ABCA9: variants seen among roughly 807,000 people sequenced by gnomAD.
ABCA9 encodes the protein ATP binding cassette subfamily A member 9.
A neutral mutation model predicts 205.3 loss-of-function variants in ABCA9; 183 were observed. That is an observed-to-expected ratio of 0.89 (90% CI 0.79 to 1.01). The LOEUF is 1.01. Ranked by LOEUF, ABCA9 falls within the 50% of genes least tolerant of loss-of-function variation. ABCA9 has a pLI of 0.00. For missense variants in ABCA9, 1,805 were observed against 1,912.4 expected, an observed-to-expected ratio of 0.94 and a Z score of 1.05; for synonymous variants, 651 against 683.3, an observed-to-expected ratio of 0.95 and a Z score of 0.74.
the ABCA9 span, among the ~76,000 whole-genome samples, chr17:69,077,470 T>C: frequency 6.6e-6 from 1 of 152,228 alleles, no homozygotes; most frequent in Non-Finnish European, 1.5e-5. Context: ...ATGAGAAGAA[T>C]GTATATTCTG....
Position 69,045,187 on chromosome 17 carries a change from G to A in ABCA9, c.454C>T (p.His152Tyr), listed in dbSNP as rs1206389759. 6.2e-7 allele frequency: 1 copy of A among 1,612,562 alleles called. No homozygotes were observed. The highest frequency in any genetic ancestry group is 1.7e-5 in the Admixed American group (1 of 59,832). The change falls in exon 4 of 39, where the codon CAC becomes TAC. Residue 152 changes from histidine (H) to tyrosine (Y), a missense_variant. Transcript: ENST00000340001. The part of the protein sequence containing the change: ...WGHRIPMMKE[H>Y]RDHSAHCQAV... ...CAAAAGTTACCTGAATGGTCTCTGT[G>A]CTCTTTCATCATGGGGATTCTATGT... is the stretch of plus-strand genomic sequence containing the variant.
chr17:69,056,680 T>C (rs563449116), intron 1 of ABCA9, among the ~76,000 whole-genome samples: 1 of 152,316 alleles, frequency 6.6e-6, no homozygotes, highest in Admixed American at 6.5e-5. Flanking sequence ...TTGTTCTGTA[T>C]CTTTCAACTC....
chr17:69,018,659 T>C, intron 19 of ABCA9, 80 bp from the exon 20 acceptor site: 2 of 1,009,380 alleles, frequency 2.0e-6, no homozygotes. Context: ...ATAATGAATA[T>C]AATAACAGAA....
chr17:69,077,910 A>G, the ABCA9 span, among the ~76,000 whole-genome samples: 10 of 152,078 alleles, frequency 6.6e-5, 1 homozygote, highest in South Asian at 6.2e-4. Flanking sequence ...TATAAAAGAT[A>G]TGTGGAAAAT....
chr17:68,977,154 G>A (rs1259700976), intron 37 of ABCA9, among the ~76,000 whole-genome samples: 1 of 152,128 alleles, frequency 6.6e-6, no homozygotes, highest in Non-Finnish European at 1.5e-5. Flanking sequence ...AGATCACCTG[G>A]AAAGGGAAAG....
intron 2 of ABCA9, among the ~76,000 whole-genome samples, chr17:69,049,812 CAG>C (rs2071842213): frequency 6.6e-6 from 1 of 152,034 alleles, no homozygotes; most frequent in African/African-American, 2.4e-5. Context: ...ATTTTAGTGA[CAG>C]TGATAAATAA....
At chr17:68,976,288 A>G (rs2068891619) in intron 37 of ABCA9, 98 bp from the exon 38 acceptor site, 2 of 1,009,204 alleles carry the variant, frequency 2.0e-6, no homozygotes, top group Non-Finnish European at 3.0e-6. Flanking sequence ...TCTTAAACAT[A>G]AAAGATAAGG....
intron 6 of ABCA9, among the ~76,000 whole-genome samples, chr17:69,042,074 A>G (rs894410131): frequency 2.6e-5 from 4 of 152,148 alleles, no homozygotes; most frequent in Non-Finnish European, 5.9e-5. Flanking sequence ...CTGACTCCAG[A>G]ACTCAGGCTT....
At position 68,975,989 on chromosome 17, in the gene ABCA9, G is replaced by T. The variant is rs778340716; in HGVS notation, c.4801C>A (p.Gln1601Lys). ...TCCTCTTCAAGATCACCCAGCTCCTGCTCCTTGGAGAGCTCCAGGAAAACC... is the reference window on the plus strand; with the variant it reads ...TCCTCTTCAAGATCACCCAGCTCCTTCTCCTTGGAGAGCTCCAGGAAAACC... ...EQVFLELSKE[Q>K]ELGDLEEDFD... is the part of the protein sequence containing the mutation. The change falls in exon 39 of 39, where the codon CAG becomes AAG. Residue 1601 changes from glutamine (Q) to lysine (K), a missense_variant. Coordinates refer to ENST00000340001, the MANE Select transcript of ABCA9 (RefSeq NM_080283.4). 5 of 1,613,602 alleles carry T rather than the reference G, an allele frequency of 3.1e-6. No homozygotes were observed. Among genetic ancestry groups the T allele is most frequent in the Non-Finnish European group, 4.2e-6 (5 of 1,179,860 alleles).
chr17:69,032,034 C>G (rs2071166383), intron 10 of ABCA9, 74 bp downstream of exon 10: 1 of 1,435,968 alleles, frequency 7.0e-7, no homozygotes. Flanking sequence ...GATCTTTGCT[C>G]CTAGTGTGTC....
At chr17:69,076,555 C>T in the ABCA9 span, among the ~76,000 whole-genome samples, 2 of 152,068 alleles carry the variant, frequency 1.3e-5, no homozygotes, top group Non-Finnish European at 2.9e-5. Flanking sequence ...AGTCCCTCAT[C>T]TGTGAATTTT....
rs201536569 is a variant in ABCA9 at position 69,029,236 on chromosome 17, AAG to A, written c.1446-11_1446-10del. On this transcript the variant is annotated splice_polypyrimidine_tract_variant and intron_variant, in intron 10 of 38. Coordinates refer to ENST00000340001, the MANE Select transcript of ABCA9 (RefSeq NM_080283.4). ...TTTTAAGATTTTTGATTCTGAAAAA[AAG>A]AGGGAAATGTTTTCAGAGAATTGTA... 6.6e-3 allele frequency: 10,167 copies of A among 1,531,766 alleles called. 65 individuals are homozygous for A. Among genetic ancestry groups the A allele is most frequent in the Non-Finnish European group, 6.8e-3 (7,619 of 1,118,600 alleles). The allele number at this position is 1,531,766 out of a possible 1,614,324, so 94.9% of individuals were successfully genotyped here.
chr17:69,021,825 C>A lies in ABCA9; in HGVS notation c.2318G>T (p.Gly773Val). Residue 773 changes from glycine (G) to valine (V), a missense_variant, in exon 18 of 39, where the codon GGC becomes GTC. Coordinates refer to ENST00000340001, the MANE Select transcript of ABCA9 (RefSeq NM_080283.4). ...YRDLDRCSNQ[G>V]IEDYGVSITT... ...TATGGAAACACCATAATCCTCAATG[C>A]CTTGGTTAGAACATCTATCAAGATC... 1 of 1,589,472 alleles carries A rather than the reference C, an allele frequency of 6.3e-7. No individual in the cohort carries two copies. The highest frequency in any genetic ancestry group is 1.7e-4 in the Middle Eastern group (1 of 5,976).
Position 69,024,237 on chromosome 17 carries a change from A to G in ABCA9, c.2258T>C (p.Leu753Ser). The G allele has an allele frequency of 6.2e-7, 1 of 1,612,796 alleles. No homozygotes were observed. Among genetic ancestry groups the G allele is most frequent in the South Asian group, 1.1e-5 (1 of 90,964 alleles). Reference sequence around the variant, plus strand: ...ACCTGGAAATTTGTTTGTCCTTTCCAAAGGCAAAATATATACAAGTTTTTC... The same window carrying G: ...ACCTGGAAATTTGTTTGTCCTTTCCGAAGGCAAAATATATACAAGTTTTTC... ...SEEKLVYILP[L>S]ERTNKFPELY... The change falls in exon 17 of 39, where the codon TTG becomes TCG. Residue 753 changes from leucine (L) to serine (S), a missense_variant. By Grantham distance (145) the Leu-to-Ser change is moderately radical (BLOSUM62 -2). Transcript: ENST00000340001.
At position 68,978,794 on chromosome 17, in the gene ABCA9, A is replaced by G. The variant is rs554396247; in HGVS notation, c.4721-2604T>C. Among the ~76,000 whole-genome samples the G allele has an allele frequency of 4.6e-5, 7 of 152,308 alleles. No homozygotes were observed. The East Asian group carries it at 9.6e-4, about 21-fold the overall frequency. On this transcript the variant is annotated intron_variant, in intron 37 of 38. Transcript: ENST00000340001. ...TATTGATGGGACATATCTCAAAATA[A>G]TAAGAGCTATCTATGACAAACCCAC...
chr17:69,017,522 G>A, intron 21 of ABCA9, 134 bp downstream of exon 21: 1 of 947,846 alleles, frequency 1.1e-6, no homozygotes, highest in East Asian at 2.5e-5. Context: ...TTGTAGTCCA[G>A]CTTCTTCTAT....
chr17:69,033,917 C>T, intron 8 of ABCA9, 44 bp from the exon 9 acceptor site: 1 of 1,422,960 alleles, frequency 7.0e-7, no homozygotes, highest in African/African-American at 1.4e-5. Context: ...ATTAATATGG[C>T]ATTAAGAATT....
At position 69,008,145 on chromosome 17, in the gene ABCA9, A is replaced by G. The variant is rs142776133; in HGVS notation, c.3238T>C (p.Leu1080=). Residue 1080 remains leucine, a synonymous_variant, in exon 24 of 39, where the codon TTG becomes CTG. Transcript: ENST00000340001. Reference sequence around the variant, plus strand: ...ATTATTTGCATTAGCAGGAGGATCAAAAAGTACAGGGAAACATCCACCAGT... The same window carrying G: ...ATTATTTGCATTAGCAGGAGGATCAGAAAGTACAGGGAAACATCCACCAGT... The part of the protein sequence containing the change: ...QALVDVSLYF[L]ILLLMQIMDY... The G allele has an allele frequency of 3.7e-6, 6 of 1,613,450 alleles. No homozygotes were observed. In the African/African-American group the frequency reaches 4.0e-5, roughly 11 times the overall value.
chr17:69,054,532 A>T (rs1468365771), intron 1 of ABCA9, among the ~76,000 whole-genome samples: 1 of 151,684 alleles, frequency 6.6e-6, no homozygotes, highest in Non-Finnish European at 1.5e-5. Flanking sequence ...CTCTCAAAAA[A>T]AAAAAAAAGA....
Sources: allele counts gnomAD v4.1 joint callset (sites outside exome capture counted in the v4.1 genomes callset), GRCh38; gene constraint gnomAD v4.1.1; transcripts MANE v1.5; gene names NCBI Gene and HGNC (gene_info 2026-07-23, HGNC 2026-07-21).